The following KALRN variants were observed in gnomAD, a reference collection of about 807,000 sequenced individuals.
KALRN encodes kalirin.
KALRN carries 70 observed loss-of-function variants against 353.7 expected under a neutral mutation model. That is an observed-to-expected ratio of 0.20 (90% CI 0.16 to 0.24). The LOEUF (loss-of-function observed/expected upper bound fraction) is 0.24. KALRN is among the 10% of genes least tolerant of loss of function. The pLI, the probability that KALRN is intolerant of heterozygous loss-of-function variation, is 1.00. For missense variants in KALRN, 2,791 were observed against 3,756.7 expected, an observed-to-expected ratio of 0.74 and a Z score of 6.72; for synonymous variants, 1,391 against 1,434.8, an observed-to-expected ratio of 0.97 and a Z score of 0.69.
intron 13 of KALRN, among the ~76,000 whole-genome samples, chr3:124,404,485 G>A (rs1044788257): frequency 2.0e-5 from 3 of 151,852 alleles, no homozygotes; most frequent in Admixed American, 1.3e-4. Context: ...CTCTGGTGCA[G>A]CCCAGGAGAT....
intron 10 of KALRN, among the ~76,000 whole-genome samples, chr3:124,365,352 G>T (rs574297): frequency 0.99 from 151,259 of 152,318 alleles, 75,111 homozygotes; most frequent in East Asian, 1. Flanking sequence ...AGCTAAGTTT[G>T]TCTATTTCTA....
At chr3:124,129,506 G>A (rs1263619872) in intron 1 of KALRN, among the ~76,000 whole-genome samples, 3 of 152,222 alleles carry the variant, frequency 2.0e-5, no homozygotes, top group African/African-American at 4.8e-5. Context: ...CAGGGAATAT[G>A]TCTTGTCTTA....
At chr3:124,404,597 TA>T (rs11364553) in intron 13 of KALRN, among the ~76,000 whole-genome samples, 65,919 of 144,580 alleles carry the variant, frequency 0.46, 15,416 homozygotes, top group East Asian at 0.87. Flanking sequence ...TACACTGACT[TA>T]AAAAAAAAAA....
In KALRN at chr3:124,259,933, T is replaced by C. The variant is rs145596295; in HGVS notation, c.264-4565T>C. Among the ~76,000 whole-genome samples, 44 of 152,352 alleles carry C rather than the reference T, an allele frequency of 2.9e-4. No individual in the cohort carries two copies. The East Asian group carries it at 8.5e-3, about 29-fold the overall frequency. The stretch of plus-strand genomic sequence containing the variant: ...TCTACTCTTACACACTCCTTTGGGC[T>C]GACCCCAGTTTACCCTCCTTCTGCA... On this transcript the variant is annotated intron_variant, in intron 3 of 59. Coordinates refer to ENST00000682506, the MANE Select transcript of KALRN (RefSeq NM_001388419.1).
chr3:124,255,047 G>C (rs1022662258), intron 3 of KALRN, among the ~76,000 whole-genome samples: 2 of 152,112 alleles, frequency 1.3e-5, no homozygotes, highest in Non-Finnish European at 2.9e-5. Context: ...CCGGGTTCAA[G>C]CAATTCTCCT....
intron 24 of KALRN, among the ~76,000 whole-genome samples, chr3:124,462,194 G>A (rs1053496252): frequency 4.6e-5 from 7 of 152,198 alleles, no homozygotes; most frequent in African/African-American, 1.7e-4. Context: ...AACAAGAAGT[G>A]TGTAAGGCAC....
intron 51 of KALRN, among the ~76,000 whole-genome samples, chr3:124,687,849 A>G (rs530219775): frequency 1.7e-4 from 25 of 151,340 alleles, no homozygotes; most frequent in Non-Finnish European, 3.4e-4. Context: ...ACTCATTACA[A>G]CTGGGTAAAA....
At chr3:124,121,901 T>C (rs1024814712) in intron 1 of KALRN, among the ~76,000 whole-genome samples, 3 of 152,202 alleles carry the variant, frequency 2.0e-5, no homozygotes, top group Non-Finnish European at 4.4e-5. Flanking sequence ...GACAGGATAC[T>C]GTCAGCACAT....
At chr3:124,253,124 A>T (rs1253225362) in intron 3 of KALRN, among the ~76,000 whole-genome samples, 1 of 152,214 alleles carries the variant, frequency 6.6e-6, no homozygotes, top group South Asian at 2.1e-4. Context: ...AGAAGTACAG[A>T]GGCAGTTAGA....
chr3:124,388,218 AT>A (rs960960104), intron 11 of KALRN, among the ~76,000 whole-genome samples: 2 of 151,666 alleles, frequency 1.3e-5, no homozygotes, highest in East Asian at 1.9e-4. Flanking sequence ...TACAACACTC[AT>A]TTTTTTTCCT....
At chr3:124,263,992 G>A (rs1389302392) in intron 3 of KALRN, among the ~76,000 whole-genome samples, 1 of 151,110 alleles carries the variant, frequency 6.6e-6, no homozygotes, top group African/African-American at 2.4e-5. Flanking sequence ...AACAAGTACA[G>A]TTGACTACAG....
intron 1 of KALRN, among the ~76,000 whole-genome samples, chr3:124,048,569 C>G (rs2040735652): frequency 6.6e-6 from 1 of 152,022 alleles, no homozygotes; most frequent in Non-Finnish European, 1.5e-5. Context: ...GCAAGCTCCG[C>G]CTCCCGGGTT....
chr3:124,422,100 G>A (rs2092809051), intron 14 of KALRN, among the ~76,000 whole-genome samples: 1 of 152,172 alleles, frequency 6.6e-6, no homozygotes, highest in Non-Finnish European at 1.5e-5. Context: ...CAACTTTAAC[G>A]TGAAGCTTTT....
At chr3:124,335,303 C>G (rs1258277853) in intron 9 of KALRN, among the ~76,000 whole-genome samples, 4 of 152,136 alleles carry the variant, frequency 2.6e-5, no homozygotes, top group African/African-American at 4.8e-5. Flanking sequence ...GATTTAAAAC[C>G]TGGGCTGTTG....
In KALRN at chr3:124,298,847, C is replaced by A; in HGVS notation, c.1026C>A (p.Ile342=). 1 of 1,614,104 alleles carries A rather than the reference C, an allele frequency of 6.2e-7. No individual in the cohort carries two copies. The highest frequency in any genetic ancestry group is 1.1e-5 in the South Asian group (1 of 91,082). Residue 342 remains isoleucine (I), a synonymous_variant, in exon 6 of 60, where the codon ATC becomes ATA. Coordinates refer to ENST00000682506, the MANE Select transcript of KALRN (RefSeq NM_001388419.1). ...TATTCCTCCAGAGCCACACGGAGAT[C>A]GGAGTCAGCTACCAGTACGCCCTTG... The part of the protein sequence containing the change: ...KELFLQSHTE[I]GVSYQYALDL...
intron 1 of KALRN, among the ~76,000 whole-genome samples, chr3:124,191,842 A>G (rs1287575319): frequency 6.6e-6 from 1 of 152,164 alleles, no homozygotes; most frequent in Non-Finnish European, 1.5e-5. Flanking sequence ...ACTCCATTCC[A>G]TTGGTCAATG....
rs1381969149 is a variant in KALRN, at chr3:124,563,029, C to G, written c.5122C>G (p.Leu1708Val). The G allele has an allele frequency of 7.3e-7, 1 of 1,367,908 alleles. No homozygotes were observed. Among genetic ancestry groups the G allele is most frequent in the Non-Finnish European group, 9.8e-7 (1 of 1,022,016 alleles). 84.7% of individuals were successfully genotyped at this position (1,367,908 alleles called of 1,614,324 possible). A position where few individuals can be genotyped will look rare whatever the true frequency, so the allele number is the denominator to read the frequency against. The change falls in exon 34 of 60, where the codon CTG becomes GTG. Residue 1708 changes from leucine (L) to valine (V), a missense_variant. Coordinates refer to ENST00000682506, the MANE Select transcript of KALRN (RefSeq NM_001388419.1). ...GGAGGGTCTGGTCCCCAGCAGCGCC[C>G]TGTGCATCTCACACTCCCGAAGCAG... is the stretch of plus-strand genomic sequence containing the variant. ...PLEGLVPSSA[L>V]CISHSRSSVE... is the part of the protein sequence containing the mutation.
chr3:124,218,117 G>C (rs2077524786), intron 1 of KALRN, among the ~76,000 whole-genome samples: 1 of 152,152 alleles, frequency 6.6e-6, no homozygotes, highest in Admixed American at 6.6e-5. Context: ...ACCCATATGG[G>C]GGTTGGAGAG....
At chr3:124,384,789 G>A in intron 10 of KALRN, 56 bp from the exon 11 acceptor site, 1 of 1,501,208 alleles carries the variant, frequency 6.7e-7, no homozygotes, top group Middle Eastern at 2.0e-4. Flanking sequence ...GCCCCAGGGT[G>A]GGCTGCTGGA....
Sources: allele counts gnomAD v4.1 joint callset (sites outside exome capture counted in the v4.1 genomes callset), GRCh38; gene constraint gnomAD v4.1.1; transcripts MANE v1.5; gene names NCBI Gene and HGNC (gene_info 2026-07-23, HGNC 2026-07-21).